AGGF1: variants seen among roughly 807,000 people sequenced by gnomAD.
The protein encoded by AGGF1 is angiogenic factor with G-patch and FHA domains 1, also known as angiogenic factor with G patch and FHA domains 1.
In AGGF1, 56 loss-of-function variants were observed where a neutral mutation model predicts 86.5. The observed-to-expected ratio is 0.65, with a 90% confidence interval of 0.52 to 0.81. AGGF1 has a LOEUF of 0.81. Ranked by LOEUF, AGGF1 falls within the 30% of genes least tolerant of loss-of-function variation. The pLI is 0.00. For missense variants in AGGF1, 816 were observed against 850.9 expected (o/e 0.96, Z 0.51); for synonymous variants, 313 against 297.1 (o/e 1.05, Z -0.55).
chr5:77,062,465 A>G (rs1042370489), intron 13 of AGGF1, among the ~76,000 whole-genome samples: 1 of 152,158 alleles, frequency 6.6e-6, no homozygotes, highest in Non-Finnish European at 1.5e-5. Flanking sequence ...TTTACTAGCT[A>G]TGTGGCTTTG....
chr5:77,049,009 A>T (rs781479157), intron 8 of AGGF1, 22 bp downstream of exon 8: 117 of 1,608,934 alleles, frequency 7.3e-5, no homozygotes, highest in Non-Finnish European at 9.7e-5. Flanking sequence ...GATTTATCAA[A>T]TATAGTCCCC....
chr5:77,037,313 T>TA (rs1215556218), intron 4 of AGGF1, among the ~76,000 whole-genome samples: 1 of 152,210 alleles, frequency 6.6e-6, no homozygotes, highest in Non-Finnish European at 1.5e-5. Flanking sequence ...ATAGAATTAA[T>TA]AGAGAAGTGA....
intron 9 of AGGF1, 103 bp downstream of exon 9, chr5:77,052,910 T>A: frequency 2.1e-6 from 2 of 947,462 alleles, no homozygotes; most frequent in Non-Finnish European, 3.3e-6. Flanking sequence ...AGAGTAGAGT[T>A]AAGCCCAAAT....
intron 13 of AGGF1, among the ~76,000 whole-genome samples, chr5:77,062,256 G>A (rs994089520): frequency 6.6e-6 from 1 of 152,166 alleles, no homozygotes; most frequent in Non-Finnish European, 1.5e-5. Flanking sequence ...CCCATGGTTC[G>A]TAGGAGGTTT....
chr5:77,048,815 C>T, intron 7 of AGGF1, 121 bp from the exon 8 acceptor site: 1 of 941,852 alleles, frequency 1.1e-6, no homozygotes, highest in South Asian at 1.4e-5. Context: ...TAATCCATAA[C>T]CAGGAGATTT....
Position 77,046,480 on chromosome 5 carries a change from T to C in AGGF1, c.1004T>C (p.Val335Ala), listed in dbSNP as rs774851208. The change falls in exon 6 of 14, where the codon GTT (valine) becomes GCT (alanine). Residue 335 changes from valine (V) to alanine (A), a missense_variant. This residue lies in a region of AGGF1 where 565 missense variants were observed against 585.8 expected (regional missense o/e 0.96). Coordinates refer to ENST00000312916, the MANE Select transcript of AGGF1 (RefSeq NM_018046.5). ...HHKNSPPKVTVPTSGNTIESP... is the reference protein window; with the variant it reads ...HHKNSPPKVTAPTSGNTIESP... ...AAAAATAGTCCCCCCAAAGTCACTG[T>C]TCCAACTAGTGGAAATACTATAGAG... 1.2e-6 allele frequency: 2 copies of C among 1,614,070 alleles called. No individual in the cohort carries two copies. Among genetic ancestry groups the C allele is most frequent in the East Asian group, 4.5e-5 (2 of 44,862 alleles).
chr5:77,052,736 T>C lies in AGGF1; in HGVS notation c.1396T>C (p.Leu466=). 6.2e-7 allele frequency: 1 copy of C among 1,613,704 alleles called. No homozygotes were observed. The highest frequency in any genetic ancestry group is 8.5e-7 in the Non-Finnish European group (1 of 1,179,790). The change falls in exon 9 of 14, where the codon TTA becomes CTA. Residue 466 remains leucine, a synonymous_variant. Coordinates refer to ENST00000312916, the MANE Select transcript of AGGF1 (RefSeq NM_018046.5). ...FHAEIYFDHD[L]QSYVLVDQGS... is the part of the protein sequence containing the mutation. ...TGCAGAAATTTATTTTGACCATGAC[T>C]TACAAAGTTATGTCCTTGTGGATCA...
At chr5:77,055,156 T>G (rs1300890535) in intron 10 of AGGF1, among the ~76,000 whole-genome samples, 1 of 152,216 alleles carries the variant, frequency 6.6e-6, no homozygotes, top group Non-Finnish European at 1.5e-5. Context: ...GAATTTTGGT[T>G]TCTCTGGCTT....
At chr5:77,042,095 C>T (rs1169454601) in intron 5 of AGGF1, among the ~76,000 whole-genome samples, 1 of 151,470 alleles carries the variant, frequency 6.6e-6, no homozygotes, top group Non-Finnish European at 1.5e-5. Context: ...CCTGAGTGGA[C>T]ACAGCACATG....
intron 13 of AGGF1, 51 bp downstream of exon 13, chr5:77,061,853 CG>C: frequency 6.5e-7 from 1 of 1,536,654 alleles, no homozygotes. Flanking sequence ...AGACATTTAC[CG>C]TGTACATTAA....
chr5:77,058,936 A>G (rs1747503245), intron 11 of AGGF1, among the ~76,000 whole-genome samples: 1 of 152,108 alleles, frequency 6.6e-6, no homozygotes, highest in Non-Finnish European at 1.5e-5. Context: ...CTCTTTTTCT[A>G]GGGAATGTTT....
At position 77,030,930 on chromosome 5, in the gene AGGF1, G is replaced by A; in HGVS notation, c.164G>A (p.Arg55Gln). 6.2e-7 allele frequency: 1 copy of A among 1,613,138 alleles called. No individual in the cohort carries two copies. The highest frequency in any genetic ancestry group is 1.1e-5 in the South Asian group (1 of 91,072). ...GAGAAGCTGCTGCATCACACAGAACGGCTGTACCAGAACGCAGAAAGCAAC... is the reference window on the plus strand; with the variant it reads ...GAGAAGCTGCTGCATCACACAGAACAGCTGTACCAGAACGCAGAAAGCAAC... ...EIEKLLHHTE[R>Q]LYQNAESNNQ... The change falls in exon 1 of 14, where the codon CGG becomes CAG. Residue 55 changes from arginine to glutamine, a missense_variant. Physicochemically the swap from Arg to Gln is conservative, Grantham distance 43 (BLOSUM62 1). This residue lies in a region of AGGF1 where 240 missense variants were observed against 234.4 expected (regional missense o/e 1.02). Coordinates refer to ENST00000312916, the MANE Select transcript of AGGF1 (RefSeq NM_018046.5).
intron 5 of AGGF1, among the ~76,000 whole-genome samples, chr5:77,040,562 C>T (rs1238818226): frequency 1.3e-5 from 2 of 152,046 alleles, no homozygotes; most frequent in Non-Finnish European, 2.9e-5. Flanking sequence ...TGTAGGCTTT[C>T]AGATGGTACT....
chr5:77,047,507 A>G (rs552736246), intron 6 of AGGF1, among the ~76,000 whole-genome samples: 6 of 152,178 alleles, frequency 3.9e-5, no homozygotes, highest in South Asian at 4.2e-4. Flanking sequence ...TTGGTTCTCA[A>G]TGGCATTTCT....
chr5:77,036,447 A>G, intron 3 of AGGF1, 109 bp from the exon 4 acceptor site: 1 of 1,101,902 alleles, frequency 9.1e-7, no homozygotes, highest in South Asian at 1.3e-5. Context: ...TTTCCTTTGT[A>G]GAAATTGAAG....
intron 1 of AGGF1, 150 bp downstream of exon 1, chr5:77,031,126 C>G (rs1034260839): frequency 2.3e-6 from 2 of 860,252 alleles, no homozygotes; most frequent in African/African-American, 3.4e-5. Flanking sequence ...AGTTACAATT[C>G]CAAGTACCTT....
chr5:77,055,935 G>T (rs1020373388), intron 11 of AGGF1, among the ~76,000 whole-genome samples: 27 of 152,188 alleles, frequency 1.8e-4, no homozygotes, highest in Admixed American at 1.0e-3. Context: ...GTTCAAGGCT[G>T]CAGTGAGCTG....
Position 77,042,884 on chromosome 5 carries a change from G to C in AGGF1, c.870+3165G>C, listed in dbSNP as rs1420294072. On this transcript the variant is annotated intron_variant, in intron 5 of 13. Transcript: ENST00000312916. The stretch of plus-strand genomic sequence containing the variant: ...GCCGACACCCCCACCTCCCTCCCGG[G>C]CGGGGCGGCTGGCCGGGCGGGGGGC... Among the ~76,000 whole-genome samples the C allele has an allele frequency of 1.3e-4, 5 of 37,098 alleles. 1 individual carries two copies. The highest frequency in any genetic ancestry group is 2.5e-4 in the African/African-American group (3 of 12,212). 24.3% of individuals were successfully genotyped at this position (37,098 alleles called of 152,430 possible).
chr5:77,052,865 T>TA, intron 9 of AGGF1, 58 bp downstream of exon 9: 4 of 1,378,786 alleles, frequency 2.9e-6, no homozygotes, highest in Non-Finnish European at 4.1e-6. Context: ...GATTTTTTTT[T>TA]ATTTCTGAAG....
Sources: allele counts gnomAD v4.1 joint callset (sites outside exome capture counted in the v4.1 genomes callset), GRCh38; gene constraint gnomAD v4.1.1; regional missense constraint gnomAD v4.1.1; transcripts MANE v1.5; gene names NCBI Gene and HGNC (gene_info 2026-07-23, HGNC 2026-07-21).